FNDC1: variants seen among roughly 807,000 people sequenced by gnomAD.
The protein encoded by FNDC1 is fibronectin type III domain containing 1, also known as fibronectin type III domain-containing protein 1.
FNDC1 carries 96 observed loss-of-function variants against 168.0 expected under a neutral mutation model. The ratio of observed to expected loss-of-function variants is 0.57; its 90% confidence interval spans 0.48 to 0.68. The LOEUF (loss-of-function observed/expected upper bound fraction) is 0.68. Ranked by LOEUF, FNDC1 falls within the 30% of genes least tolerant of loss-of-function variation. FNDC1 has a pLI of 0.00. For missense variants in FNDC1, 2,587 were observed against 2,482.1 expected (o/e 1.04, Z -0.90); for synonymous variants, 1,099 against 1,025.9 (o/e 1.07, Z -1.36).
intron 4 of FNDC1, among the ~76,000 whole-genome samples, chr6:159,211,177 T>G (rs534605589): frequency 1.3e-4 from 20 of 152,324 alleles, no homozygotes; most frequent in Non-Finnish European, 2.6e-4. Context: ...GGCCTGCTCT[T>G]TCAGGTCACG....
At chr6:159,243,913 G>A (rs1042399222) in intron 14 of FNDC1, among the ~76,000 whole-genome samples, 2 of 152,150 alleles carry the variant, frequency 1.3e-5, no homozygotes, top group Middle Eastern at 3.2e-3. Context: ...ATCTCAGGAA[G>A]TGAACTCATT....
At chr6:159,175,809 G>A (rs772857622) in intron 1 of FNDC1, among the ~76,000 whole-genome samples, 3 of 152,190 alleles carry the variant, frequency 2.0e-5, no homozygotes, top group Non-Finnish European at 2.9e-5. Flanking sequence ...GATCTTTACC[G>A]TGGAAATCAC....
At chr6:159,237,506 G>T (rs567016419) in intron 12 of FNDC1, among the ~76,000 whole-genome samples, 1 of 152,174 alleles carries the variant, frequency 6.6e-6, no homozygotes, top group Non-Finnish European at 1.5e-5. Flanking sequence ...AAGTTTTACA[G>T]TTCCTTAGAA....
At chr6:159,181,121 C>T (rs1781868451) in intron 1 of FNDC1, among the ~76,000 whole-genome samples, 1 of 152,212 alleles carries the variant, frequency 6.6e-6, no homozygotes. Flanking sequence ...GTTCCTATTT[C>T]TCCATAACCT....
Position 159,169,660 on chromosome 6 carries a change from C to T in FNDC1, c.64C>T (p.Leu22Phe). 2 of 1,165,932 alleles carry T rather than the reference C, an allele frequency of 1.7e-6. No homozygotes were observed. Among genetic ancestry groups the T allele is most frequent in the East Asian group, 8.0e-5 (2 of 24,928 alleles). 72.2% of individuals were successfully genotyped at this position (1,165,932 alleles called of 1,614,324 possible). Residue 22 changes from leucine to phenylalanine, a missense_variant, in exon 1 of 23, where the codon CTC becomes TTC. By Grantham distance (22) the Leu-to-Phe change is conservative. Transcript: ENST00000297267. The surrounding 1 kb of genome is among the most constrained non-coding windows in gnomAD (Gnocchi z 6.8). ...PRRLSWAALL[L>F]LAALLPVASS... Reference sequence around the variant, plus strand: ...CCGGCTGTCCTGGGCGGCGCTGCTGCTCTTGGCCGCGCTGCTCCCCGTCGC... The same window carrying T: ...CCGGCTGTCCTGGGCGGCGCTGCTGTTCTTGGCCGCGCTGCTCCCCGTCGC...
chr6:159,233,017 C>T lies in FNDC1; in HGVS notation c.2505C>T (p.Phe835=), dbSNP rs761916871. The T allele has an allele frequency of 1.2e-6, 2 of 1,612,736 alleles. No homozygotes were observed. Among genetic ancestry groups the T allele is most frequent in the Non-Finnish European group, 1.7e-6 (2 of 1,179,554 alleles). Residue 835 remains phenylalanine, a synonymous_variant, in exon 11 of 23, where the codon TTC becomes TTT. Coordinates refer to ENST00000297267, the MANE Select transcript of FNDC1 (RefSeq NM_032532.3). The surrounding 1 kb of genome is among the most constrained non-coding windows in gnomAD (Gnocchi z 4.6). The part of the protein sequence containing the change: ...FAANGRSPSR[F]SIGRGPRLQP... ...CCAACGGGAGGTCTCCAAGCAGGTT[C>T]AGCATTGGGCGGGGACCTCGGCTGC...
intron 20 of FNDC1, among the ~76,000 whole-genome samples, chr6:159,265,216 C>T (rs1256496733): frequency 6.6e-6 from 1 of 152,140 alleles, no homozygotes; most frequent in Admixed American, 6.5e-5. Flanking sequence ...TAGCAATCAA[C>T]ATCTATGAAA....
intron 1 of FNDC1, among the ~76,000 whole-genome samples, chr6:159,173,990 T>G (rs1251702316): frequency 6.6e-6 from 1 of 152,192 alleles, no homozygotes; most frequent in Admixed American, 6.5e-5. Context: ...CTTGGCTGAT[T>G]AAGGAGCAGA....
Position 159,226,535 on chromosome 6 carries a change from G to A in FNDC1, c.1135G>A (p.Ala379Thr), listed in dbSNP as rs141230778. ...AGTCAATGGCAAACCTACAGTTGTC[G>A]CTGCATCTTGGGATGCGCTACCAGA... ...WPVNGKPTVVAASWDALPETE... is the reference protein window; with the variant it reads ...WPVNGKPTVVTASWDALPETE... Residue 379 changes from alanine (A) to threonine (T), a missense_variant, in exon 9 of 23, where the codon GCT becomes ACT. Coordinates refer to ENST00000297267, the MANE Select transcript of FNDC1 (RefSeq NM_032532.3). The A allele has an allele frequency of 4.5e-5, 72 of 1,610,782 alleles. No homozygotes were observed. In the African/African-American group the frequency reaches 7.6e-4, roughly 17 times the overall value.
chr6:159,269,738 A>G (rs1777704403), intron 22 of FNDC1, among the ~76,000 whole-genome samples: 1 of 152,134 alleles, frequency 6.6e-6, no homozygotes, highest in African/African-American at 2.4e-5. Flanking sequence ...AGATCCAGGG[A>G]AGAGCTGATG....
chr6:159,234,594 A>G (rs1056501924), intron 11 of FNDC1, 115 bp downstream of exon 11: 1 of 963,314 alleles, frequency 1.0e-6, no homozygotes, highest in African/African-American at 1.6e-5. Context: ...GCACCGTGTT[A>G]AGAGCTTTGC....
At chr6:159,201,571 G>A (rs908850920) in intron 4 of FNDC1, among the ~76,000 whole-genome samples, 3 of 152,236 alleles carry the variant, frequency 2.0e-5, no homozygotes, top group Admixed American at 6.5e-5. Flanking sequence ...TAGGAGTCAT[G>A]CTATAAGGCA....
At chr6:159,190,059 G>A (rs964264746) in intron 1 of FNDC1, among the ~76,000 whole-genome samples, 3 of 152,128 alleles carry the variant, frequency 2.0e-5, no homozygotes, top group African/African-American at 4.8e-5. Flanking sequence ...TGATAGGGGC[G>A]GTATTCCCAT....
chr6:159,249,094 T>C lies in FNDC1; in HGVS notation c.4746T>C (p.Ala1582=). 4 of 1,607,458 alleles carry C rather than the reference T, an allele frequency of 2.5e-6. No individual in the cohort carries two copies. Among genetic ancestry groups the C allele is most frequent in the Non-Finnish European group, 3.4e-6 (4 of 1,176,834 alleles). The change falls in exon 16 of 23, where the codon GCT becomes GCC. Residue 1582 remains alanine (A), a synonymous_variant. Coordinates refer to ENST00000297267, the MANE Select transcript of FNDC1 (RefSeq NM_032532.3). ...CCACCACTGAGCCTTCGACCACTGC[T>C]ACCACACCGAGGGTGATCCCAGAGG... ...PPTTTEPSTT[A]TTPRVIPEEG...
chr6:159,191,084 C>T (rs1051111722), intron 1 of FNDC1, among the ~76,000 whole-genome samples: 2 of 152,138 alleles, frequency 1.3e-5, no homozygotes, highest in East Asian at 1.9e-4. Flanking sequence ...AGCAAGAGAG[C>T]GAAAGGGGAG....
At chr6:159,239,284 C>A (rs1478766158) in intron 13 of FNDC1, among the ~76,000 whole-genome samples, 1 of 152,190 alleles carries the variant, frequency 6.6e-6, no homozygotes, top group East Asian at 1.9e-4. Context: ...CAAAGTAACA[C>A]TTTTCCCCCT....
In FNDC1 at chr6:159,234,019, C is replaced by T; in HGVS notation, c.3507C>T (p.Ser1169=). 6.2e-7 allele frequency: 1 copy of T among 1,610,136 alleles called. No homozygotes were observed. Among genetic ancestry groups the T allele is most frequent in the Non-Finnish European group, 8.5e-7 (1 of 1,178,678 alleles). ...CTCCTTCCAAGCGGCCCCTGTCCTCCAAGTCCCAGCAGTCGGTCTCAGCCG... is the reference window on the plus strand; with the variant it reads ...CTCCTTCCAAGCGGCCCCTGTCCTCTAAGTCCCAGCAGTCGGTCTCAGCCG... ...SEPPSKRPLS[S]KSQQSVSAED... is the part of the protein sequence containing the mutation. Residue 1169 remains serine, a synonymous_variant, in exon 11 of 23, where the codon TCC becomes TCT. Coordinates refer to ENST00000297267, the MANE Select transcript of FNDC1 (RefSeq NM_032532.3).
chr6:159,269,857 A>G lies in FNDC1; in HGVS notation c.5570-1470A>G, dbSNP rs552301050. On this transcript the variant is annotated intron_variant, in intron 22 of 22. Coordinates refer to ENST00000297267, the MANE Select transcript of FNDC1 (RefSeq NM_032532.3). ...AATGATTGGACAAGGCCCACCCACA[A>G]TATGGAGGGTCACCTGCTCTAGTCA... Among the ~76,000 whole-genome samples, 61 of 152,196 alleles carry G rather than the reference A, an allele frequency of 4.0e-4. 1 individual carries two copies. The South Asian group carries it at 0.012, about 30-fold the overall frequency.
intron 6 of FNDC1, among the ~76,000 whole-genome samples, chr6:159,222,277 T>C (rs1782844165): frequency 6.6e-6 from 1 of 152,164 alleles, no homozygotes; most frequent in South Asian, 2.1e-4. Flanking sequence ...AAAGAGGCAA[T>C]CTACAACATA....
Sources: gnomAD v4.1 joint callset for allele counts (sites outside exome capture counted in the v4.1 genomes callset) on GRCh38, gnomAD v4.1.1 for gene constraint, Gnocchi (gnomAD v3.1) non-coding constraint, MANE v1.5 for transcripts, NCBI Gene and HGNC (gene_info 2026-07-23, HGNC 2026-07-21) for gene names.